The following ASAP1 variants were observed in gnomAD, a reference collection of about 807,000 sequenced individuals.
ASAP1 encodes arf-GAP with SH3 domain, ANK repeat and PH domain-containing protein 1.
In ASAP1, 43 loss-of-function variants were observed where a neutral mutation model predicts 145.2. The observed-to-expected ratio is 0.30, with a 90% CI of 0.23 to 0.38. The LOEUF (loss-of-function observed/expected upper bound fraction) is 0.38. ASAP1 is among the 10% of genes least tolerant of loss of function. The probability of loss-of-function intolerance (pLI) is 1.00; values close to 1 mark genes in which losing one functional copy is unlikely to be tolerated. For missense variants in ASAP1, 1,018 were observed against 1,355.3 expected (o/e 0.75, Z 3.91); for synonymous variants, 546 against 515.5 (o/e 1.06, Z -0.80).
intron 3 of ASAP1, among the ~76,000 whole-genome samples, chr8:130,341,691 T>G (rs959659237): frequency 3.3e-5 from 5 of 152,174 alleles, no homozygotes; most frequent in African/African-American, 1.2e-4. Context: ...ATTCCGTGTC[T>G]TCAACTTGAC....
At chr8:130,395,286 C>T (rs766089257) in intron 2 of ASAP1, among the ~76,000 whole-genome samples, 4 of 152,204 alleles carry the variant, frequency 2.6e-5, no homozygotes, top group Admixed American at 1.3e-4. Context: ...ATATTACATA[C>T]GTTTGACACG....
At chr8:130,220,149 T>C (rs971419133) in intron 4 of ASAP1, among the ~76,000 whole-genome samples, 3 of 152,110 alleles carry the variant, frequency 2.0e-5, no homozygotes, top group Admixed American at 1.3e-4. Flanking sequence ...TGAAATAATA[T>C]GAGAATGAAA....
chr8:130,064,350 G>C (rs769660667), intron 27 of ASAP1, among the ~76,000 whole-genome samples: 8 of 152,150 alleles, frequency 5.3e-5, no homozygotes, highest in Non-Finnish European at 1.2e-4. Context: ...ACAGGATGTG[G>C]TGTGTGAGAG....
chr8:130,145,121 A>G (rs968593239), intron 13 of ASAP1, among the ~76,000 whole-genome samples: 6 of 152,224 alleles, frequency 3.9e-5, no homozygotes, highest in African/African-American at 2.4e-5. Context: ...GCAAATATGT[A>G]TTAAGTACCT....
chr8:130,284,385 G>T (rs139548111), intron 3 of ASAP1, among the ~76,000 whole-genome samples: 1 of 152,258 alleles, frequency 6.6e-6, no homozygotes, highest in Non-Finnish European at 1.5e-5. Context: ...TAGCCACAAA[G>T]TATGAGGTTC....
intron 1 of ASAP1, among the ~76,000 whole-genome samples, chr8:130,439,882 A>G (rs767948912): frequency 6.6e-6 from 1 of 152,206 alleles, no homozygotes; most frequent in Admixed American, 6.5e-5. Flanking sequence ...TGCCTGCCTG[A>G]AATCTCCACA....
intron 2 of ASAP1, among the ~76,000 whole-genome samples, chr8:130,365,852 G>C (rs1292885836): frequency 2.0e-5 from 3 of 152,220 alleles, no homozygotes; most frequent in Non-Finnish European, 4.4e-5. Context: ...GGAAGGGTAT[G>C]AGAGGAATTG....
chr8:130,363,072 A>C (rs1010650675), intron 2 of ASAP1, among the ~76,000 whole-genome samples: 2 of 152,184 alleles, frequency 1.3e-5, no homozygotes, highest in African/African-American at 4.8e-5. Context: ...CTCAGTTTTC[A>C]TATCTATAAA....
intron 3 of ASAP1, among the ~76,000 whole-genome samples, chr8:130,263,245 C>T (rs1820047824): frequency 1.3e-5 from 2 of 152,130 alleles, no homozygotes. Context: ...GGGAAGGTAG[C>T]ATGACCCAAA....
intron 27 of ASAP1, among the ~76,000 whole-genome samples, chr8:130,066,052 A>G (rs1469031889): frequency 2.0e-5 from 3 of 152,362 alleles, no homozygotes; most frequent in African/African-American, 7.2e-5. Context: ...TACATGAGGA[A>G]GCTGAACCTT....
intron 1 of ASAP1, among the ~76,000 whole-genome samples, chr8:130,407,741 C>T (rs1055323821): frequency 3.3e-5 from 5 of 152,208 alleles, no homozygotes; most frequent in Admixed American, 2.6e-4. Context: ...ATGCAGGAAT[C>T]GGGGACATAA....
At chr8:130,116,278 G>A (rs146643023) in intron 22 of ASAP1, among the ~76,000 whole-genome samples, 134 of 152,292 alleles carry the variant, frequency 8.8e-4, no homozygotes, top group Non-Finnish European at 1.5e-3. Context: ...GGAAGGGGAG[G>A]GGCTGGGAGA....
rs376330948 is a variant in ASAP1, at chr8:130,366,182, TAC to T, written c.60-8041_60-8040del. Among the ~76,000 whole-genome samples, 206 of 152,342 alleles carry T rather than the reference TAC, an allele frequency of 1.4e-3. 1 individual carries two copies. Among genetic ancestry groups the T allele is most frequent in the African/African-American group, 4.4e-3 (181 of 41,584 alleles). On this transcript the variant is annotated intron_variant, in intron 2 of 29. Coordinates refer to ENST00000518721, the MANE Select transcript of ASAP1 (RefSeq NM_018482.4). ...TTAAAGACCTTCAGAAACTCCCGTCTACAACAGATTATGTTGTCTTTGCATCA... is the reference window on the plus strand; with the variant it reads ...TTAAAGACCTTCAGAAACTCCCGTCTAACAGATTATGTTGTCTTTGCATCA...
At chr8:130,307,682 T>C (rs1247944775) in intron 3 of ASAP1, among the ~76,000 whole-genome samples, 1 of 152,270 alleles carries the variant, frequency 6.6e-6, no homozygotes, top group South Asian at 2.1e-4. Context: ...AACAGCTTGG[T>C]GAGGTAGGAG....
intron 3 of ASAP1, among the ~76,000 whole-genome samples, chr8:130,330,623 G>A (rs934785399): frequency 1.3e-5 from 2 of 152,240 alleles, no homozygotes; most frequent in Non-Finnish European, 2.9e-5. Context: ...AGGCCTTCAT[G>A]AGCATTTAAG....
chr8:130,084,840 T>C (rs1014543989), intron 25 of ASAP1: 5 of 152,294 alleles, frequency 3.3e-5, no homozygotes, highest in African/African-American at 7.2e-5. Context: ...AATATGCATG[T>C]CTCAGACATT....
chr8:130,076,507 C>A, intron 26 of ASAP1, 101 bp from the exon 27 acceptor site: 1 of 881,640 alleles, frequency 1.1e-6, no homozygotes, highest in Non-Finnish European at 1.8e-6. Flanking sequence ...ACATAATCAT[C>A]TAAAGAATGC....
At chr8:130,216,637 A>G (rs898792748) in intron 4 of ASAP1, among the ~76,000 whole-genome samples, 2 of 151,686 alleles carry the variant, frequency 1.3e-5, no homozygotes, top group Non-Finnish European at 2.9e-5. Context: ...TTTCTTCTCT[A>G]TTTTTGCTTA....
intron 24 of ASAP1, among the ~76,000 whole-genome samples, chr8:130,093,786 A>T (rs187207789): frequency 2.5e-5 from 3 of 121,548 alleles, no homozygotes; most frequent in Non-Finnish European, 5.7e-5. Context: ...CACTCTTCAT[A>T]TTAAAAAAAA....
Sources: gnomAD v4.1 joint callset for allele counts (sites outside exome capture counted in the v4.1 genomes callset) on GRCh38, gnomAD v4.1.1 for gene constraint, MANE v1.5 for transcripts, NCBI Gene and HGNC (gene_info 2026-07-23, HGNC 2026-07-21) for gene names.